Variants in NUP107 observed in about 807,000 individuals in gnomAD.
NUP107 encodes the protein nucleoporin 107.
Under a neutral mutation model 141.0 loss-of-function variants are expected in NUP107, and 101 were observed. The observed-to-expected ratio is 0.72, with a 90% confidence interval of 0.61 to 0.84. NUP107 has a LOEUF of 0.84. Among genes scored for constraint, NUP107 ranks in the 40% least tolerant of loss-of-function variants. The pLI is 0.00. For synonymous variants in NUP107, 319 were observed against 363.9 expected (o/e 0.88, Z 1.41); for missense variants, 941 against 1,102.7 (o/e 0.85, Z 2.08).
chr12:68,727,334 C>T lies in NUP107; in HGVS notation c.1696-17C>T. 1 of 1,378,660 alleles carries T rather than the reference C, an allele frequency of 7.3e-7. No individual in the cohort carries two copies. Among genetic ancestry groups the T allele is most frequent in the East Asian group, 2.3e-5 (1 of 43,276 alleles). 85.4% of individuals were successfully genotyped at this position (1,378,660 alleles called of 1,614,324 possible). On this transcript the variant is annotated splice_polypyrimidine_tract_variant and intron_variant, in intron 19 of 27. Coordinates refer to ENST00000229179, the MANE Select transcript of NUP107 (RefSeq NM_020401.4). Reference sequence around the variant, plus strand: ...ATAAGCAGTGTATTTATAATTATGTCTTTTTTTCCTATGAAGGAGGAAGTT... The same window carrying T: ...ATAAGCAGTGTATTTATAATTATGTTTTTTTTTCCTATGAAGGAGGAAGTT...
At chr12:68,713,862 C>G in intron 11 of NUP107, 54 bp downstream of exon 11, 5 of 1,384,000 alleles carry the variant, frequency 3.6e-6, no homozygotes, top group Non-Finnish European at 5.1e-6. Flanking sequence ...TTTTTTTTTT[C>G]AGGCTGAGAA....
chr12:68,697,036 G>A (rs1330575738), intron 6 of NUP107, 114 bp downstream of exon 6: 1 of 541,020 alleles, frequency 1.8e-6, no homozygotes, highest in East Asian at 2.9e-5. Context: ...AACAGTGGCA[G>A]GAGTGGAGGG....
intron 22 of NUP107, 51 bp from the exon 23 acceptor site, chr12:68,732,586 A>T (rs773611070): frequency 1.5e-5 from 15 of 1,027,762 alleles, no homozygotes; most frequent in Non-Finnish European, 2.1e-5. Context: ...GAATATCTTT[A>T]AAAAAAAAAC....
chr12:68,719,949 CTT>C (rs1350611037), intron 14 of NUP107, among the ~76,000 whole-genome samples: 2 of 152,174 alleles, frequency 1.3e-5, no homozygotes, highest in Non-Finnish European at 2.9e-5. Flanking sequence ...ACTTTTAAAA[CTT>C]AGTAGGATTT....
At chr12:68,731,795 C>G in intron 22 of NUP107, 76 bp downstream of exon 22, 1 of 836,920 alleles carries the variant, frequency 1.2e-6, no homozygotes, top group Non-Finnish European at 1.9e-6. Context: ...GAACTTCTCC[C>G]TTCGTAAAAG....
intron 10 of NUP107, among the ~76,000 whole-genome samples, chr12:68,710,326 G>A (rs978122065): frequency 6.6e-6 from 1 of 152,044 alleles, no homozygotes; most frequent in Admixed American, 6.6e-5. Flanking sequence ...TGTGGGTTTC[G>A]CATCCATGGA....
At chr12:68,725,539 G>A (rs1877522634) in intron 17 of NUP107, among the ~76,000 whole-genome samples, 188 bp from the exon 18 acceptor site, 1 of 152,158 alleles carries the variant, frequency 6.6e-6, no homozygotes, top group Non-Finnish European at 1.5e-5. Flanking sequence ...TTTGTAAGCT[G>A]TGAGTATATT....
Position 68,733,595 on chromosome 12 carries a change from T to G in NUP107, c.2245T>G (p.Cys749Gly), listed in dbSNP as rs1378724132. Residue 749 changes from cysteine (C) to glycine (G), a missense_variant, in exon 24 of 28, where the codon TGC becomes GGC. By Grantham distance (159) the Cys-to-Gly change is radical (BLOSUM62 -3). Transcript: ENST00000229179. Reference sequence around the variant, plus strand: ...TGATAATGCTATCCGAGAACATTTGTGCATCAGAGCTTATTTGGTGAGACT... The same window carrying G: ...TGATAATGCTATCCGAGAACATTTGGGCATCAGAGCTTATTTGGTGAGACT... ...EDDNAIREHLCIRAYLEAHET... is the reference protein window; with the variant it reads ...EDDNAIREHLGIRAYLEAHET... The G allele has an allele frequency of 6.2e-7, 1 of 1,612,090 alleles. No individual in the cohort carries two copies. Among genetic ancestry groups the G allele is most frequent in the Non-Finnish European group, 8.5e-7 (1 of 1,179,166 alleles).
chr12:68,695,346 GC>G (rs1216807885), intron 5 of NUP107, among the ~76,000 whole-genome samples: 1 of 152,158 alleles, frequency 6.6e-6, no homozygotes, highest in Non-Finnish European at 1.5e-5. Context: ...ATTCATAGTA[GC>G]CAAAAGGTAG....
At position 68,722,103 on chromosome 12, in the gene NUP107, G is replaced by A; in HGVS notation, c.1458-1G>A. ...TTCTTTTCCCGTTGTTTCTTTTGAA[G>A]CTGGACGTTAGAAAAGGTTTTTGAG... On this transcript the variant is annotated splice_acceptor_variant, in intron 16 of 27. Coordinates refer to ENST00000229179, the MANE Select transcript of NUP107 (RefSeq NM_020401.4). LOFTEE classifies it high-confidence loss of function. 6.2e-7 allele frequency: 1 copy of A among 1,613,310 alleles called. No homozygotes were observed. The highest frequency in any genetic ancestry group is 8.5e-7 in the Non-Finnish European group (1 of 1,179,808).
chr12:68,742,105 T>C (rs1769355976), intron 27 of NUP107, 125 bp downstream of exon 27: 1 of 785,492 alleles, frequency 1.3e-6, no homozygotes, highest in African/African-American at 1.7e-5. Context: ...AATAGTCCAG[T>C]TTTAATGTTT....
intron 5 of NUP107, among the ~76,000 whole-genome samples, chr12:68,694,482 A>T (rs926691751): frequency 1.3e-5 from 2 of 152,258 alleles, no homozygotes; most frequent in Non-Finnish European, 2.9e-5. Flanking sequence ...TGAAAAGGCA[A>T]CCCACAGAAT....
At chr12:68,719,262 TA>T in intron 12 of NUP107, 78 bp from the exon 13 acceptor site, 1 of 979,402 alleles carries the variant, frequency 1.0e-6, no homozygotes, top group Non-Finnish European at 1.6e-6. Flanking sequence ...ATAAGTTATC[TA>T]AGCTTGTCAT....
chr12:68,695,606 G>T (rs1259608031), intron 5 of NUP107, among the ~76,000 whole-genome samples: 3 of 152,186 alleles, frequency 2.0e-5, no homozygotes, highest in Non-Finnish European at 4.4e-5. Context: ...TAGTTGTCAG[G>T]GGCTGGGGTA....
intron 23 of NUP107, among the ~76,000 whole-genome samples, chr12:68,732,961 G>A (rs541419981): frequency 2.6e-5 from 4 of 152,266 alleles, no homozygotes; most frequent in South Asian, 2.1e-4. Context: ...GGGATTATAG[G>A]CGTGAACCAC....
intron 12 of NUP107, among the ~76,000 whole-genome samples, chr12:68,716,929 G>A (rs748899946): frequency 6.6e-6 from 1 of 150,966 alleles, no homozygotes; most frequent in Non-Finnish European, 1.5e-5. Flanking sequence ...ATGGAGTCTC[G>A]CTCTGTCACC....
chr12:68,722,452 A>G (rs1175448152), intron 17 of NUP107, among the ~76,000 whole-genome samples: 1 of 152,094 alleles, frequency 6.6e-6, no homozygotes, highest in African/African-American at 2.4e-5. Context: ...AAAATCTAAT[A>G]TTTTCTAAAA....
chr12:68,709,386 T>G, intron 9 of NUP107, 77 bp downstream of exon 9: 5 of 794,682 alleles, frequency 6.3e-6, no homozygotes, highest in Non-Finnish European at 8.0e-6. Flanking sequence ...TGAAGTGTTT[T>G]TTAACTTAAA....
intron 8 of NUP107, among the ~76,000 whole-genome samples, chr12:68,703,397 A>G (rs1876428782): frequency 1.3e-5 from 2 of 151,906 alleles, no homozygotes; most frequent in South Asian, 4.1e-4. Context: ...ATACACACAC[A>G]CATTTGTTTT....
Sources: gnomAD v4.1 joint callset for allele counts (sites outside exome capture counted in the v4.1 genomes callset) on GRCh38, gnomAD v4.1.1 for gene constraint, MANE v1.5 for transcripts, NCBI Gene and HGNC (gene_info 2026-07-23, HGNC 2026-07-21) for gene names.